The following AK7 variants were observed in gnomAD, a reference collection of about 807,000 sequenced individuals.
AK7 encodes ATP-AMP transphosphorylase 7.
In AK7, 78 loss-of-function variants were observed where a neutral mutation model predicts 96.6. The ratio of observed to expected loss-of-function variants is 0.81; its 90% CI spans 0.67 to 0.97. The LOEUF (loss-of-function observed/expected upper bound fraction) is 0.97, where lower values mean the gene tolerates loss of function less well. AK7 is among the 50% of genes least tolerant of loss of function. The pLI is 0.00. For synonymous variants in AK7, 302 were observed against 317.2 expected, an observed-to-expected ratio of 0.95 and a Z score of 0.51; for missense variants, 855 against 887.9, an observed-to-expected ratio of 0.96 and a Z score of 0.47.
At chr14:96,484,351 G>A (rs1895664221) in intron 16 of AK7, among the ~76,000 whole-genome samples, 1 of 152,102 alleles carries the variant, frequency 6.6e-6, no homozygotes, top group African/African-American at 2.4e-5. Flanking sequence ...TCTTCTCACT[G>A]TCCTCCCCAA....
intron 11 of AK7, among the ~76,000 whole-genome samples, chr14:96,457,233 G>A (rs1171976537): frequency 1.3e-5 from 2 of 151,648 alleles, no homozygotes; most frequent in African/African-American, 4.8e-5. Flanking sequence ...GCTAATTTTT[G>A]TATTTTTAGT....
chr14:96,487,146 CA>C, intron 17 of AK7, 90 bp downstream of exon 17: 1 of 1,377,954 alleles, frequency 7.3e-7, no homozygotes, highest in Non-Finnish European at 1.0e-6. Context: ...AGGCCAAGGT[CA>C]GGGGATCACT....
At chr14:96,471,672 A>G (rs1894899612) in intron 13 of AK7, 66 bp downstream of exon 13, 2 of 1,292,122 alleles carry the variant, frequency 1.5e-6, no homozygotes, top group South Asian at 2.1e-5. Flanking sequence ...TGTTCAGAGA[A>G]GTAGTCACTC....
At chr14:96,461,988 ACG>A (rs1275585886) in intron 12 of AK7, among the ~76,000 whole-genome samples, 1 of 152,178 alleles carries the variant, frequency 6.6e-6, no homozygotes, top group Non-Finnish European at 1.5e-5. Flanking sequence ...AGCTCTTTTC[ACG>A]CTTGGGGAGG....
chr14:96,469,514 A>G (rs1385603278), intron 12 of AK7, among the ~76,000 whole-genome samples: 1 of 151,612 alleles, frequency 6.6e-6, no homozygotes, highest in Non-Finnish European at 1.5e-5. Flanking sequence ...AACGGATGAG[A>G]CTCTGTCTCA....
intron 15 of AK7, among the ~76,000 whole-genome samples, chr14:96,481,073 C>T (rs1320813764): frequency 2.0e-5 from 3 of 152,264 alleles, no homozygotes; most frequent in African/African-American, 7.2e-5. Context: ...CACCCCACAC[C>T]CCAGAGTTAC....
At chr14:96,454,267 T>C (rs969659311) in intron 10 of AK7, among the ~76,000 whole-genome samples, 4 of 152,126 alleles carry the variant, frequency 2.6e-5, no homozygotes, top group African/African-American at 7.2e-5. Context: ...AATTCTAAAA[T>C]TTACCTTGCA....
intron 2 of AK7, among the ~76,000 whole-genome samples, chr14:96,400,380 TTAA>T (rs1890340337): frequency 1.3e-5 from 2 of 152,198 alleles, no homozygotes; most frequent in Admixed American, 6.5e-5. Context: ...CTGATTTTTA[TTAA>T]AGACCTTGCT....
At chr14:96,403,126 A>ATAAATAAG (rs986227834) in intron 2 of AK7, among the ~76,000 whole-genome samples, 1 of 150,640 alleles carries the variant, frequency 6.6e-6, no homozygotes, top group Non-Finnish European at 1.5e-5. Context: ...AAATAAATAA[A>ATAAATAAG]TAAATAAATA....
chr14:96,411,413 A>T (rs1187295899), intron 4 of AK7, among the ~76,000 whole-genome samples: 1 of 152,034 alleles, frequency 6.6e-6, no homozygotes. Flanking sequence ...CAGGAGGCTG[A>T]GGTGGGAGAA....
At chr14:96,400,714 G>T (rs1890360217) in intron 2 of AK7, among the ~76,000 whole-genome samples, 1 of 152,172 alleles carries the variant, frequency 6.6e-6, no homozygotes, top group Non-Finnish European at 1.5e-5. Flanking sequence ...AGCAGTCCCT[G>T]GCAAGCATCT....
At chr14:96,475,137 C>T (rs1180088562) in intron 14 of AK7, among the ~76,000 whole-genome samples, 10 of 152,312 alleles carry the variant, frequency 6.6e-5, no homozygotes, top group African/African-American at 2.4e-5. Context: ...ACGTCTAAGA[C>T]GTAATCTATT....
intron 3 of AK7, among the ~76,000 whole-genome samples, chr14:96,407,571 CTTTCT>C (rs370314966): frequency 0.32 from 40,387 of 125,980 alleles, 6,025 homozygotes; most frequent in Middle Eastern, 0.4. Context: ...ATGTTTCTTT[CTTTCT>C]TTTCTTTTTT....
intron 16 of AK7, among the ~76,000 whole-genome samples, chr14:96,485,882 G>A (rs1465230930): frequency 3.4e-5 from 5 of 147,022 alleles, no homozygotes; most frequent in Non-Finnish European, 3.0e-5. Context: ...TGCAAGCTCC[G>A]CCTCCCCGGT....
intron 5 of AK7, among the ~76,000 whole-genome samples, chr14:96,434,512 C>T (rs1473507894): frequency 6.6e-6 from 1 of 152,048 alleles, no homozygotes. Flanking sequence ...CTGTAGCCAC[C>T]ACCACTGTGA....
intron 17 of AK7, 30 bp downstream of exon 17, chr14:96,487,086 A>C: frequency 1.9e-6 from 3 of 1,612,050 alleles, no homozygotes; most frequent in Non-Finnish European, 2.5e-6. Flanking sequence ...AAAAAAGATC[A>C]ATTTGAGTTT....
At chr14:96,413,990 T>C (rs1269539831) in intron 4 of AK7, among the ~76,000 whole-genome samples, 2 of 152,224 alleles carry the variant, frequency 1.3e-5, no homozygotes, top group Non-Finnish European at 2.9e-5. Flanking sequence ...TTCTTGCCGA[T>C]GATTGGCTAA....
At chr14:96,457,840 C>A (rs962496386) in intron 11 of AK7, among the ~76,000 whole-genome samples, 3 of 152,120 alleles carry the variant, frequency 2.0e-5, no homozygotes, top group African/African-American at 7.2e-5. Flanking sequence ...AAGATGTTGG[C>A]TCAAGCAGTT....
At chr14:96,454,959 G>T (rs1026172882) in intron 10 of AK7, among the ~76,000 whole-genome samples, 7 of 152,206 alleles carry the variant, frequency 4.6e-5, no homozygotes, top group African/African-American at 1.7e-4. Flanking sequence ...GAGGTCAGGA[G>T]TTCGAGACCA....
Sources: allele counts gnomAD v4.1 joint callset (sites outside exome capture counted in the v4.1 genomes callset), GRCh38; gene constraint gnomAD v4.1.1; transcripts MANE v1.5; gene names NCBI Gene and HGNC (gene_info 2026-07-23, HGNC 2026-07-21).